ST18: variants seen among roughly 807,000 people sequenced by gnomAD.
ST18 encodes the protein ST18 C2H2C-type zinc finger transcription factor.
Under a neutral mutation model 110.0 loss-of-function variants are expected in ST18, and 50 were observed. That is an observed-to-expected ratio of 0.45 (90% confidence interval 0.36 to 0.58). The LOEUF (loss-of-function observed/expected upper bound fraction) is 0.58. Among genes scored for constraint, ST18 ranks in the 20% least tolerant of loss-of-function variants. The pLI, the probability that ST18 is intolerant of heterozygous loss-of-function variation, is 0.00. For missense variants in ST18, 1,306 were observed against 1,280.1 expected (o/e 1.02, Z -0.31); for synonymous variants, 461 against 452.4 (o/e 1.02, Z -0.24).
chr8:52,141,939 G>C (rs538820022), intron 17 of ST18, among the ~76,000 whole-genome samples: 2 of 152,184 alleles, frequency 1.3e-5, no homozygotes, highest in African/African-American at 4.8e-5. Flanking sequence ...GAGGCACCGC[G>C]CTCTTTAGAA....
At chr8:52,359,578 G>A (rs1403242349) in intron 2 of ST18, among the ~76,000 whole-genome samples, 1 of 152,074 alleles carries the variant, frequency 6.6e-6, no homozygotes, top group Non-Finnish European at 1.5e-5. Flanking sequence ...ACTTTCCAAT[G>A]AAACAGGTGA....
chr8:52,135,331 C>T (rs150281698), intron 19 of ST18, among the ~76,000 whole-genome samples: 67 of 151,976 alleles, frequency 4.4e-4, no homozygotes, highest in African/African-American at 1.5e-3. Context: ...GAGGCCGAGG[C>T]GGGCAGATCA....
chr8:52,297,286 C>T (rs72642769), intron 2 of ST18, among the ~76,000 whole-genome samples: 56 of 152,334 alleles, frequency 3.7e-4, no homozygotes, highest in Non-Finnish European at 6.5e-4. Flanking sequence ...CTTTCCTCAT[C>T]TCTAAAACGG....
intron 2 of ST18, among the ~76,000 whole-genome samples, chr8:52,342,825 A>G (rs1475685439): frequency 6.6e-6 from 1 of 152,200 alleles, no homozygotes; most frequent in African/African-American, 2.4e-5. Context: ...AAATCCCGAG[A>G]CAAGATATGT....
intron 5 of ST18, among the ~76,000 whole-genome samples, chr8:52,220,300 T>C (rs1198733434): frequency 1.3e-5 from 2 of 152,176 alleles, no homozygotes; most frequent in Non-Finnish European, 2.9e-5. Context: ...ATAATCCAAT[T>C]ATTACTTTTT....
chr8:52,131,665 A>G (rs1254463533), intron 22 of ST18, among the ~76,000 whole-genome samples: 1 of 152,246 alleles, frequency 6.6e-6, no homozygotes, highest in Non-Finnish European at 1.5e-5. Context: ...AAACCATTAA[A>G]TGACTGAACC....
chr8:52,210,015 A>G (rs1214319913), intron 8 of ST18: 2 of 454,286 alleles, frequency 4.4e-6, no homozygotes, highest in African/African-American at 2.0e-5. Flanking sequence ...AGTTGTTTTC[A>G]AGAAACGTCA....
rs115819631 is a variant in ST18 at position 52,233,675 on chromosome 8, C to T, written c.-464-3598G>A. ...TCCGTACAGTTTATATCAGGCGTTT[C>T]GTCCAATGCTTATCCAATTTAAGTC... is the stretch of plus-strand genomic sequence containing the variant. On this transcript the variant is annotated intron_variant, in intron 2 of 25. Transcript: ENST00000689386. 2.4e-3 allele frequency among the ~76,000 whole-genome samples: 362 copies of T among 152,248 alleles called. 2 individuals carry two copies. The highest frequency in any genetic ancestry group is 8.2e-3 in the African/African-American group (339 of 41,554).
At chr8:52,252,897 TA>T (rs113276846) in intron 2 of ST18, among the ~76,000 whole-genome samples, 44,604 of 151,694 alleles carry the variant, frequency 0.29, 6,681 homozygotes, top group Middle Eastern at 0.45. Flanking sequence ...CAAAGAAAAA[TA>T]AAAAAGCAAA....
intron 25 of ST18, among the ~76,000 whole-genome samples, chr8:52,113,962 T>G (rs894422293): frequency 1.1e-4 from 7 of 64,728 alleles, no homozygotes; most frequent in African/African-American, 5.1e-4. Context: ...GTGTTTTTTT[T>G]TTTTTTTTTT....
At chr8:52,272,511 T>C (rs2138930991) in intron 2 of ST18, among the ~76,000 whole-genome samples, 1 of 152,240 alleles carries the variant, frequency 6.6e-6, no homozygotes, top group Non-Finnish European at 1.5e-5. Flanking sequence ...ATTAAAATAA[T>C]GAGACATCAC....
intron 8 of ST18, among the ~76,000 whole-genome samples, chr8:52,183,786 C>T (rs1366485200): frequency 6.6e-6 from 1 of 152,154 alleles, no homozygotes; most frequent in Non-Finnish European, 1.5e-5. Flanking sequence ...CAGAGATTTA[C>T]GCAATGCATG....
At chr8:52,206,228 A>G (rs1006486571) in intron 8 of ST18, among the ~76,000 whole-genome samples, 1 of 152,184 alleles carries the variant, frequency 6.6e-6, no homozygotes, top group South Asian at 2.1e-4. Context: ...TATGGCTCCA[A>G]CCAGACGCTG....
At chr8:52,369,948 C>G (rs1159491245) in intron 2 of ST18, among the ~76,000 whole-genome samples, 1 of 152,172 alleles carries the variant, frequency 6.6e-6, no homozygotes, top group Non-Finnish European at 1.5e-5. Context: ...CCTAGAATAG[C>G]ATGTGGCAGT....
At chr8:52,349,129 G>A (rs923110209) in intron 2 of ST18, among the ~76,000 whole-genome samples, 3 of 152,056 alleles carry the variant, frequency 2.0e-5, no homozygotes, top group Admixed American at 6.6e-5. Context: ...TAAATCTGGA[G>A]ATCACAAAGT....
At chr8:52,208,337 T>C (rs898578950) in intron 8 of ST18, among the ~76,000 whole-genome samples, 4 of 152,326 alleles carry the variant, frequency 2.6e-5, no homozygotes, top group Admixed American at 2.6e-4. Flanking sequence ...TTTCCTAAGA[T>C]ACTCAGAATT....
chr8:52,332,136 C>T (rs935075476), intron 2 of ST18, among the ~76,000 whole-genome samples: 11 of 151,774 alleles, frequency 7.2e-5, no homozygotes, highest in Non-Finnish European at 1.3e-4. Context: ...ATAAGTATAA[C>T]CACTCATTGT....
chr8:52,276,112 C>CACCACACA (rs1564392495), intron 2 of ST18, among the ~76,000 whole-genome samples: 1 of 37,864 alleles, frequency 2.6e-5, no homozygotes, highest in African/African-American at 9.8e-5. Flanking sequence ...GAAACACACA[C>CACCACACA]CGCACCTATC....
At chr8:52,270,480 G>A (rs2095038508) in intron 2 of ST18, among the ~76,000 whole-genome samples, 1 of 152,196 alleles carries the variant, frequency 6.6e-6, no homozygotes, top group Non-Finnish European at 1.5e-5. Context: ...TAAGTATATA[G>A]CACAGCATTG....
Sources: gnomAD v4.1 joint callset for allele counts (sites outside exome capture counted in the v4.1 genomes callset) on GRCh38, gnomAD v4.1.1 for gene constraint, MANE v1.5 for transcripts, NCBI Gene and HGNC (gene_info 2026-07-23, HGNC 2026-07-21) for gene names.